NAAA: variants seen among roughly 807,000 people sequenced by gnomAD.
The protein encoded by NAAA is N-acylethanolamine-hydrolyzing acid amidase.
NAAA carries 39 observed loss-of-function variants against 44.8 expected under a neutral mutation model. The ratio of observed to expected loss-of-function variants is 0.87; its 90% confidence interval spans 0.67 to 1.14. The LOEUF is 1.14. Among genes scored for constraint, NAAA ranks in the 50% most tolerant of loss-of-function variants. The probability of loss-of-function intolerance (pLI) is 0.00; values close to 1 mark genes in which losing one functional copy is unlikely to be tolerated. For missense variants in NAAA, 460 were observed against 467.8 expected (o/e 0.98, Z 0.15); for synonymous variants, 178 against 191.3 (o/e 0.93, Z 0.58).
rs996401176 is a variant in NAAA, at chr4:75,931,144, G to A, written c.589+70C>T. On this transcript the variant is annotated intron_variant, in intron 4 of 10. Transcript: ENST00000286733. ...GTGTTCTGTATATTCTGTTGGGTGAGTGAAGGAAGTGCTTGGATAGAACTG... is the reference window on the plus strand; with the variant it reads ...GTGTTCTGTATATTCTGTTGGGTGAATGAAGGAAGTGCTTGGATAGAACTG... The A allele has an allele frequency of 8.0e-6, 10 of 1,256,374 alleles. No individual in the cohort carries two copies. The Admixed American group carries it at 1.6e-4, about 20-fold the overall frequency. The allele number at this position is 1,256,374 out of a possible 1,614,324, so 77.8% of individuals were successfully genotyped here. A position where few individuals can be genotyped will look rare whatever the true frequency, so the allele number is the denominator to read the frequency against.
rs1277747560 is a variant in NAAA, at chr4:75,941,012, G to C, written c.-63C>G. 7.2e-7 allele frequency: 1 copy of C among 1,396,638 alleles called. No homozygotes were observed. The highest frequency in any genetic ancestry group is 2.9e-5 in the East Asian group (1 of 34,118). The allele number at this position is 1,396,638 out of a possible 1,614,324, so 86.5% of individuals were successfully genotyped here. On this transcript the variant is annotated 5_prime_UTR_variant, in exon 1 of 11. Coordinates refer to ENST00000286733, the MANE Select transcript of NAAA (RefSeq NM_014435.4). Reference sequence around the variant, plus strand: ...GCCGCTGTCGGAGCCCGGGTAAGCCGTGGAGGAGGAGGAGCTGGGGCTGGG... The same window carrying C: ...GCCGCTGTCGGAGCCCGGGTAAGCCCTGGAGGAGGAGGAGCTGGGGCTGGG...
chr4:75,924,635 T>C (rs1726486666), intron 5 of NAAA, among the ~76,000 whole-genome samples: 1 of 152,222 alleles, frequency 6.6e-6, no homozygotes, highest in East Asian at 1.9e-4. Context: ...TATTTGCAAA[T>C]GGAGATTTTA....
downstream of NAAA, chr4:75,911,280 C>G: frequency 2.0e-6 from 1 of 512,394 alleles, no homozygotes; most frequent in South Asian, 1.5e-5. Flanking sequence ...TGTATACGTG[C>G]AGGTCACAGG....
At chr4:75,940,437 G>C (rs752512001) in intron 1 of NAAA, among the ~76,000 whole-genome samples, 2 of 152,226 alleles carry the variant, frequency 1.3e-5, no homozygotes, top group Admixed American at 1.3e-4. Context: ...AGGCCCGCGA[G>C]GCCCGCAAGG....
At chr4:75,912,965 G>A (rs1725390604), downstream of NAAA, among the ~76,000 whole-genome samples, 1 of 152,104 alleles carries the variant, frequency 6.6e-6, no homozygotes, top group South Asian at 2.1e-4. Context: ...GACGTCTGCA[G>A]TATGTCAGGG....
intron 3 of NAAA, chr4:75,934,750 C>T (rs1454485225): frequency 6.6e-6 from 1 of 152,148 alleles, no homozygotes; most frequent in African/African-American, 2.4e-5. Context: ...AAGCAATACC[C>T]AAGTGTAAAC....
intron 9 of NAAA, among the ~76,000 whole-genome samples, chr4:75,916,080 A>G (rs927912340): frequency 6.6e-6 from 1 of 152,198 alleles, no homozygotes; most frequent in African/African-American, 2.4e-5. Flanking sequence ...CTTTAGTCAT[A>G]GTTCTGCTCT....
chr4:75,921,319 C>T (rs1430969858), intron 5 of NAAA, among the ~76,000 whole-genome samples, 196 bp from the exon 6 acceptor site: 1 of 152,234 alleles, frequency 6.6e-6, no homozygotes, highest in African/African-American at 2.4e-5. Flanking sequence ...GAGCCAGGAG[C>T]AGCAGGAAAT....
At chr4:75,940,708 G>T in intron 1 of NAAA, 36 bp downstream of exon 1, 1 of 1,574,948 alleles carries the variant, frequency 6.3e-7, no homozygotes, top group Non-Finnish European at 8.6e-7. Flanking sequence ...CGCAGGGCCG[G>T]TGTCCCCGCA....
At chr4:75,939,119 C>T (rs1578092632) in intron 2 of NAAA, among the ~76,000 whole-genome samples, 1 of 152,168 alleles carries the variant, frequency 6.6e-6, no homozygotes, top group Non-Finnish European at 1.5e-5. Context: ...TCCCAAAGTG[C>T]TGGGATTACA....
At chr4:75,915,884 G>A (rs937725750) in intron 9 of NAAA, among the ~76,000 whole-genome samples, 1 of 152,196 alleles carries the variant, frequency 6.6e-6, no homozygotes, top group Admixed American at 6.5e-5. Flanking sequence ...ACACACATTT[G>A]TCTTGGAATC....
chr4:75,937,422 C>T (rs1727831810), intron 2 of NAAA, among the ~76,000 whole-genome samples: 1 of 152,114 alleles, frequency 6.6e-6, no homozygotes, highest in Non-Finnish European at 1.5e-5. Context: ...CCGTCTCAAA[C>T]ATAAATAAAT....
At position 75,940,170 on chromosome 4, in the gene NAAA, A is replaced by G. The variant is rs751086335; in HGVS notation, c.207-5T>C. The stretch of plus-strand genomic sequence containing the variant: ...ACCCACTTGGGGACTCTGTCCCTAG[A>G]AACAAAAAGCACAAGGGCGTCTGAC... On this transcript the variant is annotated splice_polypyrimidine_tract_variant and splice_region_variant and intron_variant, in intron 1 of 10. Transcript: ENST00000286733. 1.2e-5 allele frequency: 19 copies of G among 1,612,120 alleles called. No homozygotes were observed. The highest frequency in any genetic ancestry group is 1.6e-5 in the Non-Finnish European group (19 of 1,178,748).
intron 4 of NAAA, among the ~76,000 whole-genome samples, chr4:75,928,984 G>A (rs1020615298): frequency 2.6e-5 from 4 of 151,092 alleles, no homozygotes; most frequent in Non-Finnish European, 5.9e-5. Flanking sequence ...AGTAGAGACG[G>A]GGTTTCACTG....
intron 2 of NAAA, among the ~76,000 whole-genome samples, chr4:75,938,931 C>A (rs1727968555): frequency 6.6e-6 from 1 of 152,194 alleles, no homozygotes; most frequent in South Asian, 2.1e-4. Context: ...CTCACTGCAA[C>A]CTCTGCCTCC....
downstream of NAAA, among the ~76,000 whole-genome samples, chr4:75,910,659 T>C (rs1435197071): frequency 6.6e-6 from 1 of 152,178 alleles, no homozygotes; most frequent in Non-Finnish European, 1.5e-5. Context: ...AGAATGTAGG[T>C]GAGCAATTCT....
intron 4 of NAAA, among the ~76,000 whole-genome samples, chr4:75,928,910 C>T (rs1360364183): frequency 6.6e-6 from 1 of 151,880 alleles, no homozygotes; most frequent in Non-Finnish European, 1.5e-5. Context: ...GCCTCAGCCT[C>T]ACGCCTAGCT....
At chr4:75,927,647 C>A (rs1317957275) in intron 4 of NAAA, among the ~76,000 whole-genome samples, 2 of 54,588 alleles carry the variant, frequency 3.7e-5, no homozygotes, top group African/African-American at 7.7e-5. Flanking sequence ...CCCCCCCCCC[C>A]GCCAAAAAAA....
Position 75,925,841 on chromosome 4 carries a change from G to A in NAAA, c.590-30C>T, listed in dbSNP as rs756283129. 1.9e-6 allele frequency: 3 copies of A among 1,576,402 alleles called. No homozygotes were observed. In the East Asian group the frequency reaches 6.7e-5, roughly 35 times the overall value. ...CAAGTTGAGTATATATGTTATATATGTGTGTGTATATATGTACACACATGA... is the reference window on the plus strand; with the variant it reads ...CAAGTTGAGTATATATGTTATATATATGTGTGTATATATGTACACACATGA... On this transcript the variant is annotated intron_variant, in intron 4 of 10. Transcript: ENST00000286733.
Sources: gnomAD v4.1 joint callset for allele counts (sites outside exome capture counted in the v4.1 genomes callset) on GRCh38, gnomAD v4.1.1 for gene constraint, MANE v1.5 for transcripts, NCBI Gene and HGNC (gene_info 2026-07-23, HGNC 2026-07-21) for gene names.